CEACAM7: variants seen among roughly 807,000 people sequenced by gnomAD.
The protein encoded by CEACAM7 is CEA cell adhesion molecule 7.
In CEACAM7, 24 loss-of-function variants were observed where a neutral mutation model predicts 25.7. That is an observed-to-expected ratio of 0.93 (90% CI 0.68 to 1.31). The LOEUF (loss-of-function observed/expected upper bound fraction) is 1.31, where lower values mean the gene tolerates loss of function less well. Among genes scored for constraint, CEACAM7 ranks in the 40% most tolerant of loss-of-function variants. The probability of loss-of-function intolerance (pLI) is 0.00; values close to 1 mark genes in which losing one functional copy is unlikely to be tolerated. For synonymous variants in CEACAM7, 144 were observed against 129.4 expected, an observed-to-expected ratio of 1.11 and a Z score of -0.77; for missense variants, 324 against 330.1, an observed-to-expected ratio of 0.98 and a Z score of 0.14.
At chr19:41,679,629 C>CTTTG (rs59665548) in intron 3 of CEACAM7, among the ~76,000 whole-genome samples, 76,748 of 151,438 alleles carry the variant, frequency 0.51, 19,873 homozygotes, top group Middle Eastern at 0.63. Flanking sequence ...GTAAAATTAA[C>CTTTG]TTTGCAGATG....
chr19:41,687,756 G>A (rs1489816627), intron 1 of CEACAM7, among the ~76,000 whole-genome samples: 1 of 152,224 alleles, frequency 6.6e-6, no homozygotes, highest in Non-Finnish European at 1.5e-5. Context: ...ACATCCTGGG[G>A]TTTATTTTCC....
At position 41,683,854 on chromosome 19, in the gene CEACAM7, G is replaced by A; in HGVS notation, c.637C>T (p.Pro213Ser). 6.2e-7 allele frequency: 1 copy of A among 1,614,196 alleles called. No individual in the cohort carries two copies. Reference sequence around the variant, plus strand: ...GGGTTCTGTATTTCACATTCATAGGGTCCTATGTCATTCTTTGTGGCGCTG... The same window carrying A: ...GGGTTCTGTATTTCACATTCATAGGATCCTATGTCATTCTTTGTGGCGCTG... ...LLSATKNDIG[P>S]YECEIQNPVG... The change falls in exon 3 of 5, where the codon CCC (proline) becomes TCC (serine). Residue 213 changes from proline (P) to serine (S), a missense_variant. Physicochemically the swap from Pro to Ser is moderately conservative, Grantham distance 74. Coordinates refer to ENST00000401731, the MANE Select transcript of CEACAM7 (RefSeq NM_001291485.2).
At chr19:41,686,561 C>T (rs1290154783) in intron 2 of CEACAM7, among the ~76,000 whole-genome samples, 2 of 152,272 alleles carry the variant, frequency 1.3e-5, no homozygotes, top group East Asian at 3.9e-4. Context: ...ACCCAGTTCT[C>T]CAGGGTCTTT....
At position 41,687,028 on chromosome 19, in the gene CEACAM7, T is replaced by G; in HGVS notation, c.258A>C (p.Ile86=). 1 of 1,614,016 alleles carries G rather than the reference T, an allele frequency of 6.2e-7. No individual in the cohort carries two copies. Among genetic ancestry groups the G allele is most frequent in the Non-Finnish European group, 8.5e-7 (1 of 1,179,934 alleles). Residue 86 remains isoleucine, a synonymous_variant, in exon 2 of 5, where the codon ATA becomes ATC. Transcript: ENST00000401731. ...CGGGCCCTGGGGCATTTTCTTGACTTATATTTTTTACATATCCTATAATTC... is the reference window on the plus strand; with the variant it reads ...CGGGCCCTGGGGCATTTTCTTGACTGATATTTTTTACATATCCTATAATTC... ...NYRIIGYVKN[I]SQENAPGPAH... is the part of the protein sequence containing the mutation.
At chr19:41,686,766 A>T in intron 2 of CEACAM7, 93 bp downstream of exon 2, 1 of 1,356,824 alleles carries the variant, frequency 7.4e-7, no homozygotes, top group Non-Finnish European at 1.0e-6. Context: ...TAAAATGTAG[A>T]TGGGGACACA....
In CEACAM7 at chr19:41,687,033, T is replaced by A; in HGVS notation, c.253A>T (p.Asn85Tyr). The A allele has an allele frequency of 6.2e-7, 1 of 1,614,076 alleles. No individual in the cohort carries two copies. Among genetic ancestry groups the A allele is most frequent in the Non-Finnish European group, 8.5e-7 (1 of 1,179,966 alleles). Reference sequence around the variant, plus strand: ...CCTGGGGCATTTTCTTGACTTATATTTTTTACATATCCTATAATTCGATAG... The same window carrying A: ...CCTGGGGCATTTTCTTGACTTATATATTTTACATATCCTATAATTCGATAG... ...ANYRIIGYVKNISQENAPGPA... is the reference protein window; with the variant it reads ...ANYRIIGYVKYISQENAPGPA... Residue 85 changes from asparagine (N) to tyrosine (Y), a missense_variant, in exon 2 of 5, where the codon AAT (asparagine) becomes TAT (tyrosine). Transcript: ENST00000401731.
rs571608982 is a variant in CEACAM7 at position 41,687,070 on chromosome 19, C to A, written c.216G>T (p.Arg72Ser). ...LYGYNWYKGERVHANYRIIGY... is the reference protein window; with the variant it reads ...LYGYNWYKGESVHANYRIIGY... ...CTATAATTCGATAGTTGGCATGCAC[C>A]CTTTCCCCTTTGTACCAGTTGTAGC... The change falls in exon 2 of 5, where the codon AGG becomes AGT. Residue 72 changes from arginine to serine, a missense_variant. Arg to Ser is a moderately radical substitution (Grantham distance 110, BLOSUM62 -1). Transcript: ENST00000401731. 1 of 1,613,944 alleles carries A rather than the reference C, an allele frequency of 6.2e-7. No individual in the cohort carries two copies. Among genetic ancestry groups the A allele is most frequent in the Non-Finnish European group, 8.5e-7 (1 of 1,179,998 alleles).
chr19:41,682,985 T>C (rs2072190239), intron 3 of CEACAM7, among the ~76,000 whole-genome samples: 1 of 151,860 alleles, frequency 6.6e-6, no homozygotes, highest in Non-Finnish European at 1.5e-5. Context: ...GGGAGGAGGG[T>C]CTGCAGAGAC....
intron 3 of CEACAM7, among the ~76,000 whole-genome samples, chr19:41,682,473 G>A (rs1004164606): frequency 2.0e-5 from 3 of 152,188 alleles, no homozygotes; most frequent in Admixed American, 6.5e-5. Flanking sequence ...TGACTTCAGA[G>A]CCAGGCCACA....
At position 41,674,640 on chromosome 19, in the gene CEACAM7, C is replaced by T. The variant is rs1011233794; in HGVS notation, c.*136G>A. The T allele has an allele frequency of 2.9e-6, 1 of 350,380 alleles. No individual in the cohort carries two copies. Among genetic ancestry groups the T allele is most frequent in the Non-Finnish European group, 5.7e-6 (1 of 174,476 alleles). The allele number at this position is 350,380 out of a possible 1,614,324, so 21.7% of individuals were successfully genotyped here. A position where few individuals can be genotyped will look rare whatever the true frequency, so the allele number is the denominator to read the frequency against. On this transcript the variant is annotated 3_prime_UTR_variant, in exon 5 of 5. Transcript: ENST00000401731. ...TCCTTGAAATTTACATTGAGTTGTC[C>T]ACCTCCAGCTTATAGGTCTTCAGGA... is the stretch of plus-strand genomic sequence containing the variant.
chr19:41,683,251 C>T (rs2122727228), intron 3 of CEACAM7, among the ~76,000 whole-genome samples: 1 of 152,288 alleles, frequency 6.6e-6, no homozygotes, highest in African/African-American at 2.4e-5. Context: ...GGATAAAGAG[C>T]TCTTGCATGT....
At chr19:41,687,309 A>C in intron 1 of CEACAM7, 88 bp from the exon 2 acceptor site, 1 of 1,346,986 alleles carries the variant, frequency 7.4e-7, no homozygotes, top group Non-Finnish European at 1.0e-6. Context: ...AGGTCTCTTC[A>C]CCCACCCCCA....
At position 41,674,682 on chromosome 19, in the gene CEACAM7, A is replaced by G; in HGVS notation, c.*94T>C. On this transcript the variant is annotated 3_prime_UTR_variant, in exon 5 of 5. Coordinates refer to ENST00000401731, the MANE Select transcript of CEACAM7 (RefSeq NM_001291485.2). ...TCTTCAGGAAGAGAGCAGGTCTTAT[A>G]CTTAGTGATGCCACAGGAGAAAATG... 3 of 274,374 alleles carry G rather than the reference A, an allele frequency of 1.1e-5. No individual in the cohort carries two copies. Among genetic ancestry groups the G allele is most frequent in the South Asian group, 7.4e-5 (2 of 27,142 alleles). 17.0% of individuals were successfully genotyped at this position (274,374 alleles called of 1,614,324 possible). A position where few individuals can be genotyped will look rare whatever the true frequency, so the allele number is the denominator to read the frequency against.
chr19:41,685,453 T>C (rs12609443), intron 2 of CEACAM7, among the ~76,000 whole-genome samples: 78,916 of 151,654 alleles, frequency 0.52, 20,655 homozygotes, highest in Middle Eastern at 0.62. Context: ...TGGGTCTCAG[T>C]CCCTTGGAGG....
At chr19:41,687,305 C>T in intron 1 of CEACAM7, 84 bp from the exon 2 acceptor site, 1 of 1,380,880 alleles carries the variant, frequency 7.2e-7, no homozygotes, top group Non-Finnish European at 9.8e-7. Flanking sequence ...GAGCAGGTCT[C>T]TTCACCCACC....
chr19:41,678,830 G>A (rs960004883), intron 3 of CEACAM7, among the ~76,000 whole-genome samples: 3 of 152,162 alleles, frequency 2.0e-5, no homozygotes, highest in African/African-American at 7.2e-5. Flanking sequence ...CTGTGAAACA[G>A]GCACTCTTAT....
chr19:41,679,968 ATTTTTT>A lies in CEACAM7; in HGVS notation c.707-2471_707-2466del, dbSNP rs35163344. ...AGGCGTGTGCCACCACACCTGGCTA[ATTTTTT>A]TTTTTTTTTTTTTTTTTTTTTTTTT... On this transcript the variant is annotated intron_variant, in intron 3 of 4. Transcript: ENST00000401731. 7.3e-3 allele frequency among the ~76,000 whole-genome samples: 502 copies of A among 68,848 alleles called. 1 individual carries two copies. Among genetic ancestry groups the A allele is most frequent in the African/African-American group, 0.028 (470 of 16,734 alleles). The allele number at this position is 68,848 out of a possible 152,430, so 45.2% of individuals were successfully genotyped here. A position where few individuals can be genotyped will look rare whatever the true frequency, so the allele number is the denominator to read the frequency against.
chr19:41,681,586 C>T (rs942700774), intron 3 of CEACAM7, among the ~76,000 whole-genome samples: 3 of 152,132 alleles, frequency 2.0e-5, no homozygotes, highest in Non-Finnish European at 2.9e-5. Flanking sequence ...ACAATGGAAA[C>T]TCATTCAGTC....
chr19:41,682,754 TTTCAAAGC>T (rs2072187742), intron 3 of CEACAM7, among the ~76,000 whole-genome samples: 1 of 152,226 alleles, frequency 6.6e-6, no homozygotes, highest in African/African-American at 2.4e-5. Context: ...GTGTGAGATG[TTTCAAAGC>T]TTCCTTCTTC....
Sources: allele counts gnomAD v4.1 joint callset (sites outside exome capture counted in the v4.1 genomes callset), GRCh38; gene constraint gnomAD v4.1.1; transcripts MANE v1.5; gene names NCBI Gene and HGNC (gene_info 2026-07-23, HGNC 2026-07-21).